Variants in GLI3 observed in about 807,000 individuals in gnomAD.
GLI3 encodes transcription activator GLI3.
A neutral mutation model predicts 100.8 loss-of-function variants in GLI3; 20 were observed. The observed-to-expected ratio is 0.20, with a 90% CI of 0.14 to 0.29. The LOEUF (loss-of-function observed/expected upper bound fraction) is 0.29, where lower values mean the gene tolerates loss of function less well. Among genes scored for constraint, GLI3 ranks in the 10% least tolerant of loss-of-function variants. The pLI, the probability that GLI3 is intolerant of heterozygous loss-of-function variation, is 1.00. For synonymous variants in GLI3, 938 were observed against 860.5 expected, an observed-to-expected ratio of 1.09 and a Z score of -1.58; for missense variants, 2,040 against 2,128.5, an observed-to-expected ratio of 0.96 and a Z score of 0.82.
chr7:42,044,259 G>A (rs1218618866), intron 6 of GLI3, among the ~76,000 whole-genome samples: 2 of 152,180 alleles, frequency 1.3e-5, no homozygotes, highest in Non-Finnish European at 2.9e-5. Flanking sequence ...CAAACAAAAC[G>A]CTAAGCAAAG....
chr7:42,040,443 G>A lies in GLI3; in HGVS notation c.827-204C>T, dbSNP rs846321. On this transcript the variant is annotated intron_variant, in intron 6 of 14. Coordinates refer to ENST00000395925, the MANE Select transcript of GLI3 (RefSeq NM_000168.6). ...TTGTCTTCCAGGGGCTTACCTCGGGGGAGCTCTGTTTATTAATGTGCAGGG... is the reference window on the plus strand; with the variant it reads ...TTGTCTTCCAGGGGCTTACCTCGGGAGAGCTCTGTTTATTAATGTGCAGGG... 0.056 allele frequency among the ~76,000 whole-genome samples: 8,587 copies of A among 152,152 alleles called. 756 individuals are homozygous for A. Among genetic ancestry groups the A allele is most frequent in the African/African-American group, 0.19 (7,786 of 41,444 alleles).
chr7:42,094,217 G>T (rs1455960600), intron 3 of GLI3, among the ~76,000 whole-genome samples: 1 of 152,152 alleles, frequency 6.6e-6, no homozygotes, highest in Non-Finnish European at 1.5e-5. Context: ...GTTTAGACAG[G>T]ACAATTAGAA....
chr7:42,238,554 A>G (rs919377832), upstream of GLI3, among the ~76,000 whole-genome samples: 2 of 152,224 alleles, frequency 1.3e-5, no homozygotes, highest in Non-Finnish European at 2.9e-5. Flanking sequence ...TATAAAAGAC[A>G]CAAAAACAAA....
At chr7:41,969,523 A>G (rs2128708470) in intron 13 of GLI3, among the ~76,000 whole-genome samples, 1 of 152,286 alleles carries the variant, frequency 6.6e-6, no homozygotes, top group Non-Finnish European at 1.5e-5. Context: ...GAGCCAAATA[A>G]GTTATACAAA....
intron 3 of GLI3, among the ~76,000 whole-genome samples, chr7:42,104,746 TGTTCATAAGGG>T (rs1785537998): frequency 1.3e-5 from 2 of 152,102 alleles, no homozygotes; most frequent in African/African-American, 4.8e-5. Context: ...AACTGGGAGG[TGTTCATAAGGG>T]TGGAGCCCTT....
intron 2 of GLI3, among the ~76,000 whole-genome samples, chr7:42,187,170 C>T (rs1377034438): frequency 6.7e-6 from 1 of 149,010 alleles, no homozygotes; most frequent in Admixed American, 6.7e-5. Context: ...CCGATCATGC[C>T]ACTACACTCA....
In GLI3 at chr7:41,965,361, C is replaced by T. The variant is rs754984727; in HGVS notation, c.3712G>A (p.Gly1238Ser). The change falls in exon 15 of 15, where the codon GGC becomes AGC. Residue 1238 changes from glycine to serine, a missense_variant. Coordinates refer to ENST00000395925, the MANE Select transcript of GLI3 (RefSeq NM_000168.6). ...TCATGGAAGGCGTTTCCACTGGTGC[C>T]ACTTCCGGGGCTGTTGTGGAGCATC... ...HLMLHNSPGS[G>S]TSGNAFHEQP... is the part of the protein sequence containing the mutation. 8 of 1,613,322 alleles carry T rather than the reference C, an allele frequency of 5.0e-6. No individual in the cohort carries two copies. The highest frequency in any genetic ancestry group is 6.8e-6 in the Non-Finnish European group (8 of 1,179,776).
chr7:42,231,165 A>G (rs541453827), intron 1 of GLI3, among the ~76,000 whole-genome samples: 2 of 152,334 alleles, frequency 1.3e-5, no homozygotes, highest in Admixed American at 6.5e-5. Context: ...TGTTCCATGA[A>G]TAGTAATTTA....
intron 3 of GLI3, among the ~76,000 whole-genome samples, chr7:42,086,332 G>A (rs1785100806): frequency 6.6e-6 from 1 of 152,088 alleles, no homozygotes; most frequent in Admixed American, 6.5e-5. Context: ...TCTTACTTCA[G>A]AACCAGGGCT....
At chr7:42,027,288 T>C (rs1789146073) in intron 7 of GLI3, among the ~76,000 whole-genome samples, 1 of 152,210 alleles carries the variant, frequency 6.6e-6, no homozygotes, top group Non-Finnish European at 1.5e-5. Flanking sequence ...CTTAAGGAAT[T>C]TGCCAATGGC....
intron 3 of GLI3, among the ~76,000 whole-genome samples, chr7:42,116,972 T>C (rs866682642): frequency 6.6e-6 from 1 of 152,336 alleles, no homozygotes; most frequent in African/African-American, 2.4e-5. Context: ...TACGCAGATA[T>C]CACTTGTGAA....
At chr7:42,255,013 T>A (rs1168724729) in intron 1 of GLI3, among the ~76,000 whole-genome samples, 1 of 152,180 alleles carries the variant, frequency 6.6e-6, no homozygotes, top group African/African-American at 2.4e-5. Context: ...CACTTTTCCA[T>A]CTGCTCTTTG....
chr7:42,087,622 GA>G (rs973405663), intron 3 of GLI3, among the ~76,000 whole-genome samples: 7 of 151,902 alleles, frequency 4.6e-5, no homozygotes, highest in Admixed American at 1.3e-4. Flanking sequence ...CACCCATATG[GA>G]AAAAGCTCTT....
chr7:42,112,365 A>G (rs1314518955), intron 3 of GLI3, among the ~76,000 whole-genome samples: 3 of 152,160 alleles, frequency 2.0e-5, no homozygotes, highest in African/African-American at 7.2e-5. Context: ...TGGTTATGGG[A>G]GCAAAAACAC....
chr7:42,199,676 T>C (rs1023260970), intron 2 of GLI3, among the ~76,000 whole-genome samples: 1 of 152,186 alleles, frequency 6.6e-6, no homozygotes, highest in African/African-American at 2.4e-5. Flanking sequence ...GTGAGCTCTT[T>C]GAGGGCAGGA....
chr7:42,189,409 C>T (rs902890013), intron 2 of GLI3, among the ~76,000 whole-genome samples: 57 of 152,196 alleles, frequency 3.7e-4, no homozygotes, highest in Admixed American at 3.7e-3. Context: ...AGGTGAATGA[C>T]TTCATCAATA....
intron 2 of GLI3, among the ~76,000 whole-genome samples, chr7:42,170,996 T>C (rs1025877435): frequency 3.9e-5 from 6 of 152,166 alleles, no homozygotes; most frequent in African/African-American, 1.4e-4. Context: ...TCATTCTATG[T>C]AAAATTATAG....
At chr7:42,152,939 C>G (rs868362112) in intron 2 of GLI3, among the ~76,000 whole-genome samples, 21 of 152,212 alleles carry the variant, frequency 1.4e-4, no homozygotes, top group Admixed American at 5.9e-4. Flanking sequence ...CTCTCTCCAA[C>G]CAGCTAGCCG....
chr7:42,108,641 C>G (rs1185393048), intron 3 of GLI3, among the ~76,000 whole-genome samples: 3 of 152,096 alleles, frequency 2.0e-5, no homozygotes, highest in Admixed American at 1.3e-4. Flanking sequence ...CTGACCATTT[C>G]AAAGTAAGAG....
Sources: allele counts gnomAD v4.1 joint callset (sites outside exome capture counted in the v4.1 genomes callset), GRCh38; gene constraint gnomAD v4.1.1; transcripts MANE v1.5; gene names NCBI Gene and HGNC (gene_info 2026-07-23, HGNC 2026-07-21).